Variants in ANKS1B observed in about 807,000 individuals in gnomAD.
ANKS1B encodes the protein ankyrin repeat and sterile alpha motif domain containing 1B, also known as ankyrin repeat and sterile alpha motif domain-containing protein 1B.
In ANKS1B, 36 loss-of-function variants were observed where a neutral mutation model predicts 148.3. The ratio of observed to expected loss-of-function variants is 0.24; its 90% CI spans 0.19 to 0.32. The LOEUF (loss-of-function observed/expected upper bound fraction) is 0.32. Ranked by LOEUF, ANKS1B falls within the 10% of genes least tolerant of loss-of-function variation. ANKS1B has a pLI of 1.00. For missense variants in ANKS1B, 1,157 were observed against 1,542.6 expected, an observed-to-expected ratio of 0.75 and a Z score of 4.19; for synonymous variants, 542 against 560.8, an observed-to-expected ratio of 0.97 and a Z score of 0.47.
rs372472583 is a variant in ANKS1B, at chr12:99,806,479, A to G, written c.594T>C (p.Leu198=). 7.4e-6 allele frequency: 12 copies of G among 1,613,848 alleles called. No homozygotes were observed. The highest frequency in any genetic ancestry group is 1.3e-5 in the African/African-American group (1 of 74,916). Residue 198 remains leucine (L), a synonymous_variant, in exon 4 of 27, where the codon CTT becomes CTC. Transcript: ENST00000683438. ...MSCNTRKHTP[L]HLAARNGHKA... ...TGTGGCCATTGCGCGCAGCAAGGTG[A>G]AGTGGCGTGTGCTTGCGAGTGTTGC...
chr12:99,655,694 CATA>C (rs1567576350), intron 8 of ANKS1B, among the ~76,000 whole-genome samples: 1 of 152,134 alleles, frequency 6.6e-6, no homozygotes, highest in South Asian at 2.1e-4. Flanking sequence ...TTTTAAAATT[CATA>C]ATGAGACTTC....
chr12:99,279,099 G>A (rs371997155), intron 12 of ANKS1B, among the ~76,000 whole-genome samples: 4 of 152,092 alleles, frequency 2.6e-5, no homozygotes, highest in Non-Finnish European at 5.9e-5. Flanking sequence ...TCACTGACTC[G>A]TTGACTCACT....
intron 8 of ANKS1B, among the ~76,000 whole-genome samples, chr12:99,661,530 T>C (rs1025166059): frequency 2.0e-5 from 3 of 152,158 alleles, no homozygotes; most frequent in Non-Finnish European, 4.4e-5. Flanking sequence ...CTTGGTTTGG[T>C]CCAGGAACAC....
chr12:99,229,613 C>G (rs974534399), intron 14 of ANKS1B, among the ~76,000 whole-genome samples: 2 of 151,984 alleles, frequency 1.3e-5, no homozygotes, highest in Non-Finnish European at 2.9e-5. Context: ...GTGCCCTACA[C>G]TGGTCACTTA....
intron 17 of ANKS1B, among the ~76,000 whole-genome samples, chr12:98,921,011 C>T (rs2152906357): frequency 1.3e-5 from 2 of 152,260 alleles, no homozygotes; most frequent in South Asian, 2.1e-4. Context: ...AGATTCAATA[C>T]ATGTATATAA....
intron 9 of ANKS1B, among the ~76,000 whole-genome samples, chr12:99,546,422 A>G (rs1401958210): frequency 6.6e-6 from 1 of 152,136 alleles, no homozygotes; most frequent in Admixed American, 6.6e-5. Flanking sequence ...ATCTTAACCT[A>G]CTTGTACTCT....
intron 15 of ANKS1B, among the ~76,000 whole-genome samples, chr12:99,092,326 C>T (rs2054298736): frequency 6.6e-6 from 1 of 152,142 alleles, no homozygotes; most frequent in Non-Finnish European, 1.5e-5. Context: ...GGTGGCACCT[C>T]TGTCCTACTC....
Position 99,510,431 on chromosome 12 carries a change from C to T in ANKS1B, c.1273-5790G>A, listed in dbSNP as rs1345733737. The stretch of plus-strand genomic sequence containing the variant: ...CATCAATGAGTCTAGATGAAGTTGA[C>T]TCCAACCCTCAGGGAGGACTTTGAT... On this transcript the variant is annotated intron_variant, in intron 9 of 26. Transcript: ENST00000683438. Among the ~76,000 whole-genome samples, 5 of 151,912 alleles carry T rather than the reference C, an allele frequency of 3.3e-5. No individual in the cohort carries two copies. In the East Asian group the frequency reaches 9.7e-4, roughly 29 times the overall value.
chr12:99,847,585 A>G (rs1390974836), intron 1 of ANKS1B, among the ~76,000 whole-genome samples: 1 of 152,156 alleles, frequency 6.6e-6, no homozygotes, highest in Non-Finnish European at 1.5e-5. Context: ...GTCTATTACC[A>G]TTAAGTCATT....
chr12:99,441,755 C>G (rs150866408), intron 11 of ANKS1B, among the ~76,000 whole-genome samples: 6 of 151,754 alleles, frequency 4.0e-5, no homozygotes, highest in African/African-American at 1.5e-4. Flanking sequence ...ATTTAAGTAA[C>G]GACAGCACCA....
In ANKS1B at chr12:99,086,176, T is replaced by C. The variant is rs563162021; in HGVS notation, c.2527-1153A>G. The stretch of plus-strand genomic sequence containing the variant: ...TAGGTAGGATGCTGAGACTGTGCTA[T>C]GATGGTGACACTTGCTTAGGAGTCC... On this transcript the variant is annotated intron_variant, in intron 15 of 26. Coordinates refer to ENST00000683438, the MANE Select transcript of ANKS1B (RefSeq NM_001352186.2). Among the ~76,000 whole-genome samples the C allele has an allele frequency of 5.3e-5, 8 of 152,242 alleles. No individual in the cohort carries two copies. The East Asian group carries it at 1.5e-3, about 29-fold the overall frequency.
intron 14 of ANKS1B, among the ~76,000 whole-genome samples, chr12:99,168,527 A>G (rs2077422319): frequency 6.6e-6 from 1 of 152,102 alleles, no homozygotes; most frequent in South Asian, 2.1e-4. Context: ...CTCAAAAAAA[A>G]AAAAAAGGAA....
intron 12 of ANKS1B, among the ~76,000 whole-genome samples, chr12:99,329,320 G>A (rs1360028060): frequency 6.6e-6 from 1 of 151,744 alleles, no homozygotes; most frequent in Non-Finnish European, 1.5e-5. Flanking sequence ...TCCCTCCCAT[G>A]GATGTTTTAT....
At position 99,984,822 on chromosome 12, in the gene ANKS1B, G is replaced by T. The variant is rs1331885621; in HGVS notation, c.-585C>A. Among the ~76,000 whole-genome samples the T allele has an allele frequency of 6.8e-6, 1 of 146,322 alleles. No individual in the cohort carries two copies. The highest frequency in any genetic ancestry group is 1.5e-5 in the Non-Finnish European group (1 of 65,846). ...CCGCGCCGAGGCAGGGCGGTGGGGGGCAGCCGCAGCGGGCGCGTGCCGAGG... is the reference window on the plus strand; with the variant it reads ...CCGCGCCGAGGCAGGGCGGTGGGGGTCAGCCGCAGCGGGCGCGTGCCGAGG... On this transcript the variant is annotated 5_prime_UTR_variant, in exon 1 of 27. Transcript: ENST00000683438.
At chr12:98,781,577 A>G (rs1381268526) in intron 23 of ANKS1B, 2 of 383,920 alleles carry the variant, frequency 5.2e-6, no homozygotes, top group African/African-American at 4.1e-5. Flanking sequence ...GAGTTAAACC[A>G]CATCGGACTT....
rs527431065 is a variant in ANKS1B, at chr12:99,377,724, T to C, written c.1756+21907A>G. Reference sequence around the variant, plus strand: ...TTTAAGTACCAGTGAACCATTTGTTTATGTTTAAAAATGTTTAATCACGTT... The same window carrying C: ...TTTAAGTACCAGTGAACCATTTGTTCATGTTTAAAAATGTTTAATCACGTT... On this transcript the variant is annotated intron_variant, in intron 12 of 26. Coordinates refer to ENST00000683438, the MANE Select transcript of ANKS1B (RefSeq NM_001352186.2). Among the ~76,000 whole-genome samples the C allele has an allele frequency of 2.5e-4, 38 of 152,384 alleles. No individual in the cohort carries two copies. The South Asian group carries it at 7.7e-3, about 31-fold the overall frequency.
intron 14 of ANKS1B, among the ~76,000 whole-genome samples, chr12:99,204,202 A>G (rs2082376356): frequency 6.6e-6 from 1 of 152,234 alleles, no homozygotes; most frequent in Non-Finnish European, 1.5e-5. Context: ...TTCAAGTAAT[A>G]TCAATGTTTA....
chr12:99,048,891 G>T (rs2099964164), intron 17 of ANKS1B: 1 of 152,234 alleles, frequency 6.6e-6, no homozygotes, highest in African/African-American at 2.4e-5. Flanking sequence ...CCTGATATAT[G>T]CCTGGAAAAG....
At chr12:99,033,584 A>G (rs934140687) in intron 17 of ANKS1B, among the ~76,000 whole-genome samples, 1 of 152,102 alleles carries the variant, frequency 6.6e-6, no homozygotes, top group Non-Finnish European at 1.5e-5. Flanking sequence ...GAATCACTTG[A>G]ACCCAGGAGG....
Sources: gnomAD v4.1 joint callset for allele counts (sites outside exome capture counted in the v4.1 genomes callset) on GRCh38, gnomAD v4.1.1 for gene constraint, MANE v1.5 for transcripts, NCBI Gene and HGNC (gene_info 2026-07-23, HGNC 2026-07-21) for gene names.